The following CHRNA7 variants were observed in gnomAD, a reference collection of about 807,000 sequenced individuals.
The protein encoded by CHRNA7 is neuronal acetylcholine receptor subunit alpha-7.
Under a neutral mutation model 48.0 loss-of-function variants are expected in CHRNA7, and 17 were observed. That is an observed-to-expected ratio of 0.35 (90% CI 0.24 to 0.53). CHRNA7 has a LOEUF of 0.53. Ranked by LOEUF, CHRNA7 falls within the 20% of genes least tolerant of loss-of-function variation. The pLI, the probability that CHRNA7 is intolerant of heterozygous loss-of-function variation, is 0.92. For missense variants in CHRNA7, 155 were observed against 577.7 expected (o/e 0.27, Z 7.50); for synonymous variants, 75 against 242.3 (o/e 0.31, Z 6.41).
chr15:32,127,709 T>C (rs1045746070), intron 4 of CHRNA7, among the ~76,000 whole-genome samples: 5 of 152,158 alleles, frequency 3.3e-5, no homozygotes, highest in African/African-American at 1.2e-4. Flanking sequence ...ATGCTAGATA[T>C]GCCTTTTGTC....
intron 2 of CHRNA7, among the ~76,000 whole-genome samples, chr15:32,050,765 A>G (rs1423917774): frequency 1.3e-5 from 2 of 151,336 alleles, no homozygotes; most frequent in East Asian, 3.9e-4. Flanking sequence ...TTTTTTCCCC[A>G]TCTTTGTGGT....
At chr15:32,057,330 A>G (rs1353886563) in intron 2 of CHRNA7, among the ~76,000 whole-genome samples, 3 of 152,182 alleles carry the variant, frequency 2.0e-5, no homozygotes, top group African/African-American at 7.2e-5. Flanking sequence ...AATGATTGAG[A>G]TAGAGATGGG....
At chr15:32,056,032 T>G (rs2049782827) in intron 2 of CHRNA7, among the ~76,000 whole-genome samples, 1 of 152,158 alleles carries the variant, frequency 6.6e-6, no homozygotes, top group Admixed American at 6.5e-5. Context: ...TGCAGGTATC[T>G]TAGACTCTTT....
intron 4 of CHRNA7, among the ~76,000 whole-genome samples, chr15:32,144,131 C>T (rs1411861575): frequency 1.3e-5 from 2 of 152,168 alleles, no homozygotes; most frequent in Non-Finnish European, 2.9e-5. Context: ...CAAAATCTCT[C>T]AGCATTTGCT....
At chr15:32,147,096 C>T (rs183976506) in intron 4 of CHRNA7, among the ~76,000 whole-genome samples, 372 of 152,298 alleles carry the variant, frequency 2.4e-3, no homozygotes, top group Admixed American at 6.8e-3. Context: ...TGCTGTAATC[C>T]GTCCTATGCC....
chr15:32,133,314 G>A (rs2051188390), intron 4 of CHRNA7, among the ~76,000 whole-genome samples: 1 of 152,152 alleles, frequency 6.6e-6, no homozygotes, highest in African/African-American at 2.4e-5. Flanking sequence ...AATTTCATGA[G>A]CTCCTTCACG....
At chr15:32,145,994 C>T (rs1233979931) in intron 4 of CHRNA7, among the ~76,000 whole-genome samples, 3 of 152,278 alleles carry the variant, frequency 2.0e-5, no homozygotes, top group Non-Finnish European at 4.4e-5. Context: ...CCATCTTCTG[C>T]GTTGATCTCG....
At chr15:32,093,436 G>T (rs2050414858) in intron 2 of CHRNA7, among the ~76,000 whole-genome samples, 1 of 152,180 alleles carries the variant, frequency 6.6e-6, no homozygotes, top group Non-Finnish European at 1.5e-5. Flanking sequence ...CTGGGCATGG[G>T]AGTCCACCCA....
intron 2 of CHRNA7, among the ~76,000 whole-genome samples, chr15:32,075,555 A>G (rs2050124232): frequency 6.6e-6 from 1 of 151,874 alleles, no homozygotes; most frequent in African/African-American, 2.4e-5. Context: ...CCTCTATTTT[A>G]GTCCTCATGC....
At chr15:32,073,803 A>G (rs767794305) in intron 2 of CHRNA7, among the ~76,000 whole-genome samples, 3 of 152,148 alleles carry the variant, frequency 2.0e-5, no homozygotes, top group African/African-American at 4.8e-5. Context: ...GCCTTCCACA[A>G]TGATTTTAAG....
intron 2 of CHRNA7, chr15:32,100,808 C>T (rs1566838493): frequency 6.4e-6 from 1 of 157,392 alleles, no homozygotes; most frequent in African/African-American, 2.4e-5. Context: ...TCATGGCCCT[C>T]ATGGCACCAC....
At position 32,168,205 on chromosome 15, in the gene CHRNA7, ACCT is replaced by A; in HGVS notation, c.1260_1262del (p.Leu421del). 6.4e-7 allele frequency: 1 copy of A among 1,564,980 alleles called. No homozygotes were observed. The highest frequency in any genetic ancestry group is 8.6e-7 in the Non-Finnish European group (1 of 1,159,570). On this transcript the variant is annotated inframe_deletion, in exon 10 of 10. Transcript: ENST00000306901. ...GCCTGCTCCCCCACGCACGATGAGC[ACCT>A]CCTGCACGGCGGGCAACCCCCCGAG...
rs2049809142 is a variant in CHRNA7, at chr15:32,057,657, C to A, written c.195+26620C>A. Reference sequence around the variant, plus strand: ...AAAATAAAAAGTGCTACTTTTTAAGCCTTTGATCAAATGTTGACACTCCTC... The same window carrying A: ...AAAATAAAAAGTGCTACTTTTTAAGACTTTGATCAAATGTTGACACTCCTC... On this transcript the variant is annotated intron_variant, in intron 2 of 9. Transcript: ENST00000306901. Among the ~76,000 whole-genome samples, 3 of 152,240 alleles carry A rather than the reference C, an allele frequency of 2.0e-5. No individual in the cohort carries two copies. The South Asian group carries it at 6.2e-4, about 32-fold the overall frequency.
In CHRNA7 at chr15:32,132,134, A is replaced by AG. The variant is rs1303688198; in HGVS notation, c.350+20236dup. Among the ~76,000 whole-genome samples, 3 of 152,252 alleles carry AG rather than the reference A, an allele frequency of 2.0e-5. No individual in the cohort carries two copies. In the East Asian group the frequency reaches 5.8e-4, roughly 29 times the overall value. On this transcript the variant is annotated intron_variant, in intron 4 of 9. Transcript: ENST00000306901. ...GCTGATGAGGCTGCTGGTGGAGTCC[A>AG]GCTTTTTCCTTTGGTGTTTCCCTGG...
At chr15:32,111,573 A>G in intron 3 of CHRNA7, 1 of 498,950 alleles carries the variant, frequency 2.0e-6, no homozygotes, top group Non-Finnish European at 3.5e-6. Flanking sequence ...GAATGTGTTC[A>G]TGGTGACAGC....
At chr15:32,141,385 G>A (rs1241441499) in intron 4 of CHRNA7, among the ~76,000 whole-genome samples, 2 of 152,184 alleles carry the variant, frequency 1.3e-5, no homozygotes, top group African/African-American at 4.8e-5. Flanking sequence ...TTTTTGCTTA[G>A]GATTGTCTTG....
chr15:32,058,149 T>G (rs1029743285), intron 2 of CHRNA7, among the ~76,000 whole-genome samples: 6 of 152,174 alleles, frequency 3.9e-5, no homozygotes, highest in African/African-American at 1.4e-4. Context: ...ACTATCATGC[T>G]GTTGAAGATG....
In CHRNA7 at chr15:32,115,037, C is replaced by G. The variant is rs146246685; in HGVS notation, c.350+3138C>G. ...TCCCCCAGCTTGGTGGCCAGCAGTGCTCTGACAGGAAGGAAGGAGAGGCTG... is the reference window on the plus strand; with the variant it reads ...TCCCCCAGCTTGGTGGCCAGCAGTGGTCTGACAGGAAGGAAGGAGAGGCTG... On this transcript the variant is annotated intron_variant, in intron 4 of 9. Coordinates refer to ENST00000306901, the MANE Select transcript of CHRNA7 (RefSeq NM_000746.6). Among the ~76,000 whole-genome samples the G allele has an allele frequency of 9.9e-4, 151 of 152,348 alleles. 1 individual carries two copies. The highest frequency in any genetic ancestry group is 3.3e-3 in the African/African-American group (137 of 41,578).
intron 2 of CHRNA7, among the ~76,000 whole-genome samples, chr15:32,092,740 G>T (rs1002499647): frequency 2.0e-5 from 3 of 152,170 alleles, no homozygotes; most frequent in Non-Finnish European, 4.4e-5. Flanking sequence ...ATAAATGACT[G>T]CTTCTAAATC....
Sources: gnomAD v4.1 joint callset for allele counts (sites outside exome capture counted in the v4.1 genomes callset) on GRCh38, gnomAD v4.1.1 for gene constraint, MANE v1.5 for transcripts, NCBI Gene and HGNC (gene_info 2026-07-23, HGNC 2026-07-21) for gene names.